CIZ1: variants seen among roughly 807,000 people sequenced by gnomAD.
CIZ1 encodes cip1-interacting zinc finger protein.
CIZ1 carries 58 observed loss-of-function variants against 118.6 expected under a neutral mutation model. The observed-to-expected ratio is 0.49, with a 90% CI of 0.40 to 0.61. The LOEUF is 0.61. Ranked by LOEUF, CIZ1 falls within the 20% of genes least tolerant of loss-of-function variation. The pLI is 0.00. For missense variants in CIZ1, 921 were observed against 1,115.9 expected (o/e 0.83, Z 2.49); for synonymous variants, 448 against 443.4 (o/e 1.01, Z -0.13).
chr9:128,184,145 C>A (rs4836609), intron 5 of CIZ1, among the ~76,000 whole-genome samples: 138,278 of 152,236 alleles, frequency 0.91, 63,762 homozygotes, highest in East Asian at 1. Flanking sequence ...GTTTCCTTTC[C>A]AAATAAATGT....
intron 5 of CIZ1, among the ~76,000 whole-genome samples, chr9:128,181,209 G>C (rs987901717): frequency 4.6e-5 from 7 of 151,998 alleles, no homozygotes; most frequent in African/African-American, 1.7e-4. Context: ...TCTGCCTCCT[G>C]GGTTCAAGCA....
At chr9:128,167,259 A>G (rs1829551191) in intron 14 of CIZ1, 95 bp from the exon 15 acceptor site, 2 of 886,108 alleles carry the variant, frequency 2.3e-6, no homozygotes, top group Non-Finnish European at 3.4e-6. Flanking sequence ...GCCCTTGGAC[A>G]CACAGAATCC....
At chr9:128,173,335 C>T (rs1003111581) in intron 11 of CIZ1, among the ~76,000 whole-genome samples, 6 of 151,666 alleles carry the variant, frequency 4.0e-5, no homozygotes, top group Admixed American at 6.6e-5. Context: ...TTAGTAGAGA[C>T]GGGGTTTCAC....
upstream of CIZ1, among the ~76,000 whole-genome samples, chr9:128,194,293 C>T (rs886691897): frequency 2.1e-5 from 3 of 140,554 alleles, no homozygotes; most frequent in South Asian, 2.2e-4. Flanking sequence ...ACCTGGGAGC[C>T]GGAGGTTGCA....
Position 128,191,236 on chromosome 9 carries a change from G to GC in CIZ1, c.-6+195dup. 3.9e-6 allele frequency: 1 copy of GC among 256,308 alleles called. No homozygotes were observed. Among genetic ancestry groups the GC allele is most frequent in the Non-Finnish European group, 7.4e-6 (1 of 134,422 alleles). The allele number at this position is 256,308 out of a possible 1,614,324, so 15.9% of individuals were successfully genotyped here. On this transcript the variant is annotated intron_variant, in intron 1 of 16. Coordinates refer to ENST00000372938, the MANE Select transcript of CIZ1 (RefSeq NM_001131016.2). The surrounding 1 kb of genome is among the most constrained non-coding windows in gnomAD (Gnocchi z 5.5). Reference sequence around the variant, plus strand: ...TTTTCAATACCGCAACCCTCTCTGGGCCCCCGGGTGTCAATAACATCGGCA... The same window carrying GC: ...TTTTCAATACCGCAACCCTCTCTGGGCCCCCCGGGTGTCAATAACATCGGCA...
intron 9 of CIZ1, 105 bp downstream of exon 9, chr9:128,178,264 G>A (rs781714721): frequency 1.2e-5 from 16 of 1,352,022 alleles, no homozygotes; most frequent in Non-Finnish European, 1.5e-5. Flanking sequence ...ATTTCACGGT[G>A]GGGGAAACAC....
intron 11 of CIZ1, among the ~76,000 whole-genome samples, chr9:128,173,145 T>C (rs1830356200): frequency 2.2e-5 from 3 of 138,118 alleles, no homozygotes; most frequent in South Asian, 5.0e-4. Flanking sequence ...CTTTTTTTTT[T>C]TTTTTTTTTT....
At chr9:128,173,130 A>G (rs1830345202) in intron 11 of CIZ1, among the ~76,000 whole-genome samples, 1 of 139,856 alleles carries the variant, frequency 7.2e-6, no homozygotes, top group South Asian at 2.2e-4. Context: ...AGGCCTGGCT[A>G]ATTTCTTTTT....
intron 1 of CIZ1, chr9:128,198,431 A>G (rs570570523): frequency 6.6e-6 from 1 of 152,372 alleles, no homozygotes; most frequent in South Asian, 2.1e-4. Context: ...CTTAGTGACT[A>G]AATATAATGA....
At chr9:128,176,599 C>A in intron 10 of CIZ1, 124 bp from the exon 11 acceptor site, 3 of 1,006,794 alleles carry the variant, frequency 3.0e-6, no homozygotes, top group Non-Finnish European at 4.3e-6. Context: ...CCACACATTT[C>A]TCTCTTGTGT....
intron 14 of CIZ1, 32 bp downstream of exon 14, chr9:128,169,020 C>G (rs780763029): frequency 9.3e-6 from 15 of 1,613,158 alleles, no homozygotes; most frequent in Non-Finnish European, 1.3e-5. Context: ...AATCCAGCAC[C>G]AAGCCCGCCT....
intron 11 of CIZ1, among the ~76,000 whole-genome samples, chr9:128,174,485 C>T (rs1830618330): frequency 6.6e-6 from 1 of 152,134 alleles, no homozygotes; most frequent in Non-Finnish European, 1.5e-5. Context: ...TTCCCACTAA[C>T]CTAAGCCAGA....
In CIZ1 at chr9:128,190,315, G is replaced by C. The variant is rs1176877299; in HGVS notation, c.286+14C>G. 1.3e-6 allele frequency: 2 copies of C among 1,582,680 alleles called. No individual in the cohort carries two copies. Among genetic ancestry groups the C allele is most frequent in the African/African-American group, 1.3e-5 (1 of 74,310 alleles). On this transcript the variant is annotated intron_variant, in intron 3 of 16. Coordinates refer to ENST00000372938, the MANE Select transcript of CIZ1 (RefSeq NM_001131016.2). ...ACTAAAAGAGACTGAGAAGAGGCCT[G>C]GGGCCATCCATACCTTGCAACTGCT...
chr9:128,201,768 CATTATCCAG>C (rs1833529745), intron 1 of CIZ1, among the ~76,000 whole-genome samples: 1 of 152,228 alleles, frequency 6.6e-6, no homozygotes, highest in African/African-American at 2.4e-5. Context: ...TTATTATCCC[CATTATCCAG>C]ATTAGTTAAC....
chr9:128,179,395 T>C lies in CIZ1; in HGVS notation c.812A>G (p.Lys271Arg). ...CACCTGTAACTGCCCTGGAGGTTCC[T>C]TCTCTGTGGGCTCTTCTGAGCTAGG... Reference protein sequence around the residue: ...RLRSSEEPTEKEPPGQLQVKA... With the variant: ...RLRSSEEPTEREPPGQLQVKA... Residue 271 changes from lysine to arginine, a missense_variant, in exon 8 of 17, where the codon AAG (lysine) becomes AGG (arginine). By Grantham distance (26) the Lys-to-Arg change is conservative (BLOSUM62 2). Transcript: ENST00000372938. 1 of 1,604,286 alleles carries C rather than the reference T, an allele frequency of 6.2e-7. No homozygotes were observed. Among genetic ancestry groups the C allele is most frequent in the Non-Finnish European group, 8.5e-7 (1 of 1,176,276 alleles).
Position 128,203,402 on chromosome 9 carries a change from G to GCGGAGC in CIZ1, c.-6+778_-6+783dup, listed in dbSNP as rs1157296424. The GCGGAGC allele has an allele frequency of 1.5e-6, 2 of 1,330,160 alleles. No homozygotes were observed. Among genetic ancestry groups the GCGGAGC allele is most frequent in the African/African-American group, 3.1e-5 (2 of 64,496 alleles). The allele number at this position is 1,330,160 out of a possible 1,614,324, so 82.4% of individuals were successfully genotyped here. A position where few individuals can be genotyped will look rare whatever the true frequency, so the allele number is the denominator to read the frequency against. On this transcript the variant is annotated intron_variant, in intron 1 of 17. Coordinates refer to the CIZ1 transcript ENST00000372948. The surrounding 1 kb of genome is among the most constrained non-coding windows in gnomAD (Gnocchi z 5.3). Reference sequence around the variant, plus strand: ...GCAGTCTGGGCGCGCGGCTGCAGCGGCGGAGCCGGAGTCGGAGCCGGGAGC... The same window carrying GCGGAGC: ...GCAGTCTGGGCGCGCGGCTGCAGCGGCGGAGCCGGAGCCGGAGTCGGAGCCGGGAGC...
chr9:128,168,202 T>C (rs1022250298), intron 14 of CIZ1, among the ~76,000 whole-genome samples: 1 of 152,084 alleles, frequency 6.6e-6, no homozygotes, highest in Non-Finnish European at 1.5e-5. Flanking sequence ...TAGAACACAC[T>C]CTCTGGAAAC....
chr9:128,191,131 T>C lies in CIZ1; in HGVS notation c.-5-269A>G. ...AGCCCCTCCTTCAAGTCCCTCCATC[T>C]CTCCATTTCTGGCGGCTCCATCCTC... On this transcript the variant is annotated intron_variant, in intron 1 of 16. Transcript: ENST00000372938. This position sits in a 1 kb window ranked among gnomAD's most constrained non-coding sequence, Gnocchi z 5.5. 7.8e-6 allele frequency: 4 copies of C among 514,750 alleles called. No individual in the cohort carries two copies. The highest frequency in any genetic ancestry group is 1.4e-5 in the Non-Finnish European group (4 of 293,688). The allele number at this position is 514,750 out of a possible 1,614,324, so 31.9% of individuals were successfully genotyped here.
At position 128,179,070 on chromosome 9, in the gene CIZ1, TACCTGTGGCTGC is replaced by T. The variant is rs1564271806; in HGVS notation, c.1125_1136del (p.Val379_Gln382del). Reference sequence around the variant, plus strand: ...GGCCCTGTGAATGTGCCTGTGGCTGTACCTGTGGCTGCACCTGCTTCTGTGGCTCTGCCTCCT... The same window carrying T: ...GGCCCTGTGAATGTGCCTGTGGCTGTACCTGCTTCTGTGGCTCTGCCTCCT... On this transcript the variant is annotated inframe_deletion, in exon 8 of 17. Transcript: ENST00000372938. The T allele has an allele frequency of 6.2e-7, 1 of 1,612,998 alleles. No individual in the cohort carries two copies. Among genetic ancestry groups the T allele is most frequent in the East Asian group, 2.2e-5 (1 of 44,866 alleles).
Sources: allele counts gnomAD v4.1 joint callset (sites outside exome capture counted in the v4.1 genomes callset), GRCh38; gene constraint gnomAD v4.1.1; non-coding constraint Gnocchi (gnomAD v3.1); transcripts MANE v1.5; gene names NCBI Gene and HGNC (gene_info 2026-07-23, HGNC 2026-07-21).